GADL1: variants seen among roughly 807,000 people sequenced by gnomAD.
GADL1 encodes acidic amino acid decarboxylase GADL1.
Under a neutral mutation model 69.5 loss-of-function variants are expected in GADL1, and 71 were observed. The ratio of observed to expected loss-of-function variants is 1.02; its 90% CI spans 0.84 to 1.25. The LOEUF (loss-of-function observed/expected upper bound fraction) is 1.25, where lower values mean the gene tolerates loss of function less well. Ranked by LOEUF, GADL1 falls within the 50% of genes most tolerant of loss-of-function variation. The pLI is 0.00. For missense variants in GADL1, 737 were observed against 631.8 expected, an observed-to-expected ratio of 1.17 and a Z score of -1.79; for synonymous variants, 254 against 214.4, an observed-to-expected ratio of 1.18 and a Z score of -1.62.
intron 1 of GADL1, among the ~76,000 whole-genome samples, chr3:30,870,471 A>AT (rs1698464804): frequency 6.6e-6 from 1 of 151,778 alleles, no homozygotes; most frequent in African/African-American, 2.4e-5. Context: ...AGATTTGGAA[A>AT]TAGGGACTGG....
chr3:30,861,804 T>C, intron 1 of GADL1, 39 bp from the exon 2 acceptor site: 5 of 1,392,676 alleles, frequency 3.6e-6, no homozygotes, highest in Non-Finnish European at 3.9e-6. Flanking sequence ...AGAGATAATC[T>C]AATTACACCA....
At chr3:30,736,586 G>A (rs1004914960) in intron 14 of GADL1, among the ~76,000 whole-genome samples, 1 of 152,076 alleles carries the variant, frequency 6.6e-6, no homozygotes, top group Non-Finnish European at 1.5e-5. Flanking sequence ...ATTTGCAAGT[G>A]CTATGAAAAA....
At chr3:30,825,010 G>C (rs1412643142) in intron 11 of GADL1, among the ~76,000 whole-genome samples, 2 of 151,830 alleles carry the variant, frequency 1.3e-5, no homozygotes, top group Non-Finnish European at 2.9e-5. Context: ...AACTACCAGG[G>C]AGGACATTGA....
chr3:30,751,956 G>GT (rs554786117), intron 14 of GADL1, among the ~76,000 whole-genome samples: 23 of 151,970 alleles, frequency 1.5e-4, no homozygotes, highest in Admixed American at 7.8e-4. Context: ...GGCTGAAGAT[G>GT]AAAAGAACAA....
At chr3:30,764,883 T>A (rs1162158049) in intron 14 of GADL1, among the ~76,000 whole-genome samples, 1 of 152,160 alleles carries the variant, frequency 6.6e-6, no homozygotes, top group Non-Finnish European at 1.5e-5. Flanking sequence ...GAATTATCCC[T>A]ACCTACCCCT....
intron 11 of GADL1, among the ~76,000 whole-genome samples, chr3:30,808,218 G>A (rs72849832): frequency 0.057 from 8,598 of 151,370 alleles, 569 homozygotes; most frequent in South Asian, 0.15. Context: ...TGAACCGGCC[G>A]GGCCCAGTGG....
chr3:30,751,915 C>T (rs186956399), intron 14 of GADL1, among the ~76,000 whole-genome samples: 43 of 152,302 alleles, frequency 2.8e-4, no homozygotes, highest in Admixed American at 2.6e-3. Context: ...TTTCTCTCCC[C>T]AATATCCCAT....
chr3:30,733,040 A>T (rs925320742), intron 14 of GADL1, among the ~76,000 whole-genome samples: 2 of 151,992 alleles, frequency 1.3e-5, no homozygotes, highest in Non-Finnish European at 2.9e-5. Flanking sequence ...ACTCTGTCTT[A>T]AAAAAAAGTA....
intron 1 of GADL1, among the ~76,000 whole-genome samples, chr3:30,888,356 A>G (rs940623128): frequency 4.5e-4 from 69 of 152,152 alleles, no homozygotes; most frequent in African/African-American, 1.6e-3. Context: ...TGGGTGTTCT[A>G]TGTGTGCATA....
chr3:30,787,325 T>G (rs1336596061), intron 12 of GADL1, among the ~76,000 whole-genome samples: 1 of 152,112 alleles, frequency 6.6e-6, no homozygotes, highest in East Asian at 1.9e-4. Context: ...AGATGAAATA[T>G]GGAATATGAG....
chr3:30,747,168 C>G (rs1006348539), intron 14 of GADL1, among the ~76,000 whole-genome samples: 1 of 152,158 alleles, frequency 6.6e-6, no homozygotes, highest in Non-Finnish European at 1.5e-5. Context: ...GCAGACCAAT[C>G]AATTAGAATC....
rs1357086768 is a variant in GADL1 at position 30,833,895 on chromosome 3, C to T, written c.1008G>A (p.Met336Ile). Residue 336 changes from methionine to isoleucine, a missense_variant, in exon 11 of 15, where the codon ATG (methionine) becomes ATA (isoleucine). Transcript: ENST00000282538. ...SVAWNPHKMLMAGIQCCALLV... is the reference protein window; with the variant it reads ...SVAWNPHKMLIAGIQCCALLV... ...GGAGAGCACAGCACTGGATCCCAGC[C>T]ATCAGCATCTTGTGTGGGTTCCAGG... The T allele has an allele frequency of 6.2e-7, 1 of 1,612,752 alleles. No homozygotes were observed. The highest frequency in any genetic ancestry group is 8.5e-7 in the Non-Finnish European group (1 of 1,179,280).
chr3:30,766,823 A>C (rs889415733), intron 14 of GADL1, among the ~76,000 whole-genome samples: 5 of 146,224 alleles, frequency 3.4e-5, no homozygotes, highest in Non-Finnish European at 6.0e-5. Context: ...TCCCTGAATG[A>C]TCATAGACTT....
chr3:30,877,411 T>TG (rs1178637872), intron 1 of GADL1, among the ~76,000 whole-genome samples: 1 of 151,912 alleles, frequency 6.6e-6, no homozygotes, highest in African/African-American at 2.4e-5. Context: ...GCCATCAACT[T>TG]GAAAAATAAG....
At position 30,857,703 on chromosome 3, in the gene GADL1, T is replaced by C. The variant is rs143797603; in HGVS notation, c.211-562A>G. Among the ~76,000 whole-genome samples, 453 of 152,088 alleles carry C rather than the reference T, an allele frequency of 3.0e-3. 1 individual carries two copies. The highest frequency in any genetic ancestry group is 4.9e-3 in the Non-Finnish European group (333 of 67,928). ...TCAAATACATCTGATGGCTCCCTGT[T>C]TCTTTCAAAGTAAAACCTGAGGTCC... On this transcript the variant is annotated intron_variant, in intron 2 of 14. Coordinates refer to ENST00000282538, the MANE Select transcript of GADL1 (RefSeq NM_207359.3).
At chr3:30,745,403 T>C (rs1342790932) in intron 14 of GADL1, among the ~76,000 whole-genome samples, 1 of 152,238 alleles carries the variant, frequency 6.6e-6, no homozygotes. Context: ...GGAAATGCTT[T>C]ATTTTTATTG....
chr3:30,844,412 C>T lies in GADL1; in HGVS notation c.706G>A (p.Val236Ile), dbSNP rs1698021595. ...ASFLGIGTEN[V>I]CFVETDGRGK... ...CTTCCATCTGTTTCCACAAAGCAAA[C>T]ATTCTCAGTGCCAATCCCAAGAAAA... Residue 236 changes from valine to isoleucine, a missense_variant, in exon 7 of 15, where the codon GTT becomes ATT. By Grantham distance (29) the Val-to-Ile change is conservative (BLOSUM62 3). Coordinates refer to ENST00000282538, the MANE Select transcript of GADL1 (RefSeq NM_207359.3). 2 of 1,613,452 alleles carry T rather than the reference C, an allele frequency of 1.2e-6. No individual in the cohort carries two copies. The highest frequency in any genetic ancestry group is 1.7e-6 in the Non-Finnish European group (2 of 1,179,516).
At chr3:30,822,348 A>G (rs1299674289) in intron 11 of GADL1, among the ~76,000 whole-genome samples, 1 of 152,000 alleles carries the variant, frequency 6.6e-6, no homozygotes, top group East Asian at 1.9e-4. Flanking sequence ...AGCTTCTAAA[A>G]ACATATATGG....
intron 12 of GADL1, among the ~76,000 whole-genome samples, chr3:30,789,797 T>A (rs1426240080): frequency 2.0e-5 from 3 of 152,164 alleles, no homozygotes; most frequent in Non-Finnish European, 4.4e-5. Flanking sequence ...CAACTTTCCT[T>A]ATTCATCTTC....
Sources: gnomAD v4.1 joint callset for allele counts (sites outside exome capture counted in the v4.1 genomes callset) on GRCh38, gnomAD v4.1.1 for gene constraint, MANE v1.5 for transcripts, NCBI Gene and HGNC (gene_info 2026-07-23, HGNC 2026-07-21) for gene names.